Variants in FERMT2 observed in about 807,000 individuals in gnomAD.
FERMT2 encodes the protein FERM domain containing kindlin 2, also known as fermitin family homolog 2.
FERMT2 carries 15 observed loss-of-function variants against 82.7 expected under a neutral mutation model. That is an observed-to-expected ratio of 0.18 (90% CI 0.12 to 0.28). FERMT2 has a LOEUF of 0.28. Among genes scored for constraint, FERMT2 ranks in the 10% least tolerant of loss-of-function variants. The pLI is 1.00. For synonymous variants in FERMT2, 274 were observed against 271.5 expected (o/e 1.01, Z -0.09); for missense variants, 645 against 809.4 (o/e 0.80, Z 2.46).
intron 4 of FERMT2, among the ~76,000 whole-genome samples, chr14:52,892,633 A>T (rs1422846324): frequency 2.7e-5 from 4 of 149,674 alleles, no homozygotes; most frequent in Non-Finnish European, 5.9e-5. Flanking sequence ...TTTTTTTGGT[A>T]TTTTTAGTAG....
intron 3 of FERMT2, among the ~76,000 whole-genome samples, chr14:52,910,521 C>T (rs1888257059): frequency 6.6e-6 from 1 of 151,694 alleles, no homozygotes; most frequent in Non-Finnish European, 1.5e-5. Flanking sequence ...CGTTCTTTGA[C>T]AACAGTCTTT....
At chr14:52,932,127 T>C (rs1347084002) in intron 2 of FERMT2, among the ~76,000 whole-genome samples, 2 of 152,380 alleles carry the variant, frequency 1.3e-5, no homozygotes, top group East Asian at 3.9e-4. Context: ...GACAGAGAAG[T>C]TACATAACTT....
rs752741036 is a variant in FERMT2, at chr14:52,860,323, A to C, written c.1727+18T>G. The C allele has an allele frequency of 1.2e-6, 2 of 1,611,858 alleles. No homozygotes were observed. Among genetic ancestry groups the C allele is most frequent in the Non-Finnish European group, 1.7e-6 (2 of 1,179,132 alleles). ...AATGCAGATTAAGGTTTACACATAGATGCTTAGAACCACTGACCTTGCAAT... is the reference window on the plus strand; with the variant it reads ...AATGCAGATTAAGGTTTACACATAGCTGCTTAGAACCACTGACCTTGCAAT... On this transcript the variant is annotated intron_variant, in intron 13 of 14. Transcript: ENST00000341590.
At chr14:52,875,401 A>C in intron 7 of FERMT2, 44 bp from the exon 8 acceptor site, 17 of 1,409,982 alleles carry the variant, frequency 1.2e-5, no homozygotes, top group Non-Finnish European at 1.6e-5. Context: ...TATAACTGTA[A>C]AACTCTAAAA....
At position 52,943,751 on chromosome 14, in the gene FERMT2, T is replaced by C. The variant is rs60462853; in HGVS notation, c.157+6661A>G. ...AAAATTCAAATGGCAAAATACTAACTGGTGTCTAGATGAAGATTACGCAGT... is the reference window on the plus strand; with the variant it reads ...AAAATTCAAATGGCAAAATACTAACCGGTGTCTAGATGAAGATTACGCAGT... On this transcript the variant is annotated intron_variant, in intron 2 of 14. Transcript: ENST00000341590. 9.2e-3 allele frequency among the ~76,000 whole-genome samples: 1,403 copies of C among 152,348 alleles called. 21 individuals carry two copies. The highest frequency in any genetic ancestry group is 0.032 in the African/African-American group (1,320 of 41,580).
In FERMT2 at chr14:52,859,610, T is replaced by C. The variant is rs774332955; in HGVS notation, c.1832A>G (p.Asn611Ser). The change falls in exon 14 of 15, where the codon AAC becomes AGC. Residue 611 changes from asparagine to serine, a missense_variant. Asn to Ser is a conservative substitution (Grantham distance 46). Transcript: ENST00000341590. ...GDAIKTWRFSNMKQWNVNWEI... is the reference protein window; with the variant it reads ...GDAIKTWRFSSMKQWNVNWEI... ...CCAGTTGACATTCCACTGTTTCATGTTGCTGAAACGCCATGTTTTAATTGC... is the reference window on the plus strand; with the variant it reads ...CCAGTTGACATTCCACTGTTTCATGCTGCTGAAACGCCATGTTTTAATTGC... The C allele has an allele frequency of 1.2e-6, 2 of 1,611,212 alleles. No individual in the cohort carries two copies. Among genetic ancestry groups the C allele is most frequent in the East Asian group, 2.2e-5 (1 of 44,792 alleles).
At chr14:52,935,939 G>A (rs372147058) in intron 2 of FERMT2, among the ~76,000 whole-genome samples, 6 of 152,282 alleles carry the variant, frequency 3.9e-5, no homozygotes, top group African/African-American at 1.4e-4. Flanking sequence ...CATAAGCCAT[G>A]CAAGCAGTTA....
chr14:52,950,832 C>T (rs996870778), intron 1 of FERMT2, 89 bp downstream of exon 1: 3 of 317,382 alleles, frequency 9.5e-6, no homozygotes, highest in Non-Finnish European at 1.7e-5. Context: ...CTTCACCTGC[C>T]GGCCGGCCCC....
chr14:52,921,429 A>G (rs963561534), intron 2 of FERMT2, among the ~76,000 whole-genome samples: 1 of 152,228 alleles, frequency 6.6e-6, no homozygotes, highest in Non-Finnish European at 1.5e-5. Flanking sequence ...GCTATTTTAT[A>G]ACTACTTGCT....
chr14:52,905,674 G>A (rs1361453614), intron 3 of FERMT2, among the ~76,000 whole-genome samples: 3 of 152,164 alleles, frequency 2.0e-5, no homozygotes, highest in Non-Finnish European at 4.4e-5. Flanking sequence ...GATTTCTCCC[G>A]TGTGTCTGGT....
intron 2 of FERMT2, among the ~76,000 whole-genome samples, chr14:52,925,922 G>T (rs531279402): frequency 7.2e-5 from 11 of 152,126 alleles, no homozygotes; most frequent in Non-Finnish European, 1.5e-4. Context: ...GGGATTACAG[G>T]CATGAGCCAC....
chr14:52,908,878 A>G (rs1013139670), intron 3 of FERMT2, among the ~76,000 whole-genome samples: 1 of 152,160 alleles, frequency 6.6e-6, no homozygotes, highest in Non-Finnish European at 1.5e-5. Flanking sequence ...TCCTGGCTCT[A>G]TTGCTCAGTT....
At chr14:52,862,534 A>T (rs1369592110) in intron 12 of FERMT2, 2 of 152,500 alleles carry the variant, frequency 1.3e-5, no homozygotes, top group African/African-American at 2.4e-5. Flanking sequence ...CTGGAGTGGC[A>T]GTGCGTGCCT....
intron 3 of FERMT2, among the ~76,000 whole-genome samples, chr14:52,913,701 T>C (rs1335674463): frequency 6.6e-6 from 1 of 151,774 alleles, no homozygotes; most frequent in African/African-American, 2.4e-5. Context: ...GTAGTAGTAG[T>C]AGTAGTAGTA....
At chr14:52,935,313 A>G (rs1378320930) in intron 2 of FERMT2, among the ~76,000 whole-genome samples, 2 of 152,232 alleles carry the variant, frequency 1.3e-5, no homozygotes, top group African/African-American at 4.8e-5. Flanking sequence ...ATTATTTTAC[A>G]TTAAGGCTCC....
intron 3 of FERMT2, among the ~76,000 whole-genome samples, chr14:52,904,444 G>A (rs1045567980): frequency 6.6e-6 from 1 of 152,182 alleles, no homozygotes; most frequent in East Asian, 1.9e-4. Flanking sequence ...TTGAACCTGG[G>A]AGGTGGAGGT....
At chr14:52,917,111 G>A (rs1888657181) in intron 3 of FERMT2, among the ~76,000 whole-genome samples, 1 of 152,152 alleles carries the variant, frequency 6.6e-6, no homozygotes, top group South Asian at 2.1e-4. Flanking sequence ...ACAGTACTCT[G>A]AAATGAATTA....
chr14:52,882,960 G>C (rs757964377), intron 4 of FERMT2, among the ~76,000 whole-genome samples: 1 of 152,096 alleles, frequency 6.6e-6, no homozygotes, highest in Non-Finnish European at 1.5e-5. Context: ...CACTTTGGGA[G>C]GCTGAGGCGG....
intron 7 of FERMT2, among the ~76,000 whole-genome samples, chr14:52,876,453 G>C (rs1417647839): frequency 1.3e-5 from 2 of 152,134 alleles, no homozygotes; most frequent in Non-Finnish European, 2.9e-5. Context: ...CAGGAAGTCT[G>C]GGGTCCAGCC....
Sources: gnomAD v4.1 joint callset for allele counts (sites outside exome capture counted in the v4.1 genomes callset) on GRCh38, gnomAD v4.1.1 for gene constraint, MANE v1.5 for transcripts, NCBI Gene and HGNC (gene_info 2026-07-23, HGNC 2026-07-21) for gene names.